Variants in REDIC1 observed in about 807,000 individuals in gnomAD.
REDIC1 encodes regulator of DNA class I crossover intermediates 1, also known as HEI10 Interacting Protein 1.
At chr12:39,724,532 CCAAA>C in the REDIC1 span, among the ~76,000 whole-genome samples, 2 of 152,116 alleles carry the variant, frequency 1.3e-5, no homozygotes, top group Non-Finnish European at 2.9e-5. Context: ...AAATCATACC[CCAAA>C]CAAACTATAT....
At chr12:39,666,851 C>T in the REDIC1 span, among the ~76,000 whole-genome samples, 10 of 152,110 alleles carry the variant, frequency 6.6e-5, no homozygotes, top group Non-Finnish European at 1.3e-4. Flanking sequence ...AGTTTATTTG[C>T]GTAGAGGTGT....
At chr12:39,805,547 T>C in the REDIC1 span, among the ~76,000 whole-genome samples, 1 of 151,792 alleles carries the variant, frequency 6.6e-6, no homozygotes. Flanking sequence ...TTTATTCCCA[T>C]AGGCCTGAAA....
At chr12:39,730,352 G>A in the REDIC1 span, among the ~76,000 whole-genome samples, 1 of 152,164 alleles carries the variant, frequency 6.6e-6, no homozygotes, top group African/African-American at 2.4e-5. Flanking sequence ...GGCAGGCCTG[G>A]TGGTGACAAA....
the REDIC1 span, chr12:39,819,945 A>G: frequency 1.3e-5 from 2 of 152,390 alleles, no homozygotes; most frequent in Non-Finnish European, 2.9e-5. Context: ...ATGACCACAG[A>G]AAAAACTCTT....
the REDIC1 span, among the ~76,000 whole-genome samples, chr12:39,700,093 G>A: frequency 1.8e-3 from 275 of 152,318 alleles, no homozygotes; most frequent in African/African-American, 6.0e-3. Flanking sequence ...GACGGAGAAT[G>A]ACTTTGACGA....
chr12:39,862,893 A>G, the REDIC1 span, among the ~76,000 whole-genome samples: 2 of 152,212 alleles, frequency 1.3e-5, no homozygotes, highest in African/African-American at 4.8e-5. Context: ...TTTTAAAATA[A>G]CTAATACAGT....
chr12:39,654,415 GTC>G, the REDIC1 span, among the ~76,000 whole-genome samples: 1 of 151,922 alleles, frequency 6.6e-6, no homozygotes, highest in Non-Finnish European at 1.5e-5. Context: ...GTGAAACCCC[GTC>G]TCTACTAAAA....
At chr12:39,676,351 C>T in the REDIC1 span, among the ~76,000 whole-genome samples, 1 of 152,068 alleles carries the variant, frequency 6.6e-6, no homozygotes, top group Non-Finnish European at 1.5e-5. Context: ...GAAGAAAGAA[C>T]TTGAGTTTGA....
the REDIC1 span, among the ~76,000 whole-genome samples, chr12:39,798,545 G>A: frequency 1.6e-4 from 24 of 152,266 alleles, no homozygotes; most frequent in Middle Eastern, 3.4e-3. Context: ...TACTTATTAC[G>A]CATAAGAGCG....
the REDIC1 span, among the ~76,000 whole-genome samples, chr12:39,904,693 A>G: frequency 1.3e-5 from 2 of 152,124 alleles, no homozygotes; most frequent in Non-Finnish European, 2.9e-5. Flanking sequence ...CTGTCCTTAT[A>G]TGCCCTGCTT....
the REDIC1 span, among the ~76,000 whole-genome samples, chr12:39,704,859 G>T: frequency 1.3e-5 from 2 of 152,014 alleles, no homozygotes; most frequent in Non-Finnish European, 2.9e-5. Flanking sequence ...ACTCATAGGT[G>T]GGAATTGAAC....
chr12:39,729,325 T>G, the REDIC1 span, among the ~76,000 whole-genome samples: 2 of 152,234 alleles, frequency 1.3e-5, no homozygotes, highest in African/African-American at 4.8e-5. Context: ...TAACCACTGC[T>G]TTAGCTGTGT....
At chr12:39,901,176 A>G in the REDIC1 span, among the ~76,000 whole-genome samples, 5 of 152,334 alleles carry the variant, frequency 3.3e-5, no homozygotes, top group South Asian at 8.3e-4. Flanking sequence ...TACACCTTAT[A>G]CAAAGAAATT....
chr12:39,786,646 G>A, the REDIC1 span, among the ~76,000 whole-genome samples: 2 of 152,280 alleles, frequency 1.3e-5, no homozygotes, highest in East Asian at 1.9e-4. Flanking sequence ...TGGCTGCCCT[G>A]ACCACACCAC....
chr12:39,777,880 C>T, the REDIC1 span, among the ~76,000 whole-genome samples: 3 of 152,196 alleles, frequency 2.0e-5, no homozygotes, highest in Non-Finnish European at 4.4e-5. Context: ...TCTTCTGGTA[C>T]ACAGAGGCAA....
the REDIC1 span, among the ~76,000 whole-genome samples, chr12:39,648,861 T>G: frequency 6.6e-6 from 1 of 151,594 alleles, no homozygotes; most frequent in Non-Finnish European, 1.5e-5. Flanking sequence ...TAATTCCATT[T>G]TATTAAAATT....
chr12:39,745,459 A>T, the REDIC1 span, among the ~76,000 whole-genome samples: 2 of 152,224 alleles, frequency 1.3e-5, no homozygotes, highest in East Asian at 3.9e-4. Flanking sequence ...TGACTCAATT[A>T]TTTTGTATTT....
chr12:39,683,463 A>G, the REDIC1 span: 4 of 1,601,036 alleles, frequency 2.5e-6, no homozygotes, highest in African/African-American at 4.0e-5. Flanking sequence ...AAAAGTATTC[A>G]GAAATATCCA....
the REDIC1 span, among the ~76,000 whole-genome samples, chr12:39,800,377 A>G: frequency 2.6e-5 from 4 of 151,872 alleles, no homozygotes; most frequent in African/African-American, 9.7e-5. Flanking sequence ...AGAATCTACA[A>G]TGAACTCAAA....
Sources: allele counts gnomAD v4.1 joint callset (sites outside exome capture counted in the v4.1 genomes callset), GRCh38; gene constraint gnomAD v4.1.1; transcripts MANE v1.5; gene names NCBI Gene and HGNC (gene_info 2026-07-23, HGNC 2026-07-21).